RARB: variants seen among roughly 807,000 people sequenced by gnomAD.
RARB encodes HBV-activated protein.
RARB carries 17 observed loss-of-function variants against 51.9 expected under a neutral mutation model. That is an observed-to-expected ratio of 0.33 (90% confidence interval 0.22 to 0.49). RARB has a LOEUF of 0.49. Ranked by LOEUF, RARB falls within the 20% of genes least tolerant of loss-of-function variation. The pLI, the probability that RARB is intolerant of heterozygous loss-of-function variation, is 0.99. For synonymous variants in RARB, 215 were observed against 195.4 expected (o/e 1.10, Z -0.84); for missense variants, 369 against 550.8 (o/e 0.67, Z 3.30).
chr3:25,460,543 G>A (rs560823455), intron 1 of RARB, among the ~76,000 whole-genome samples: 2 of 151,936 alleles, frequency 1.3e-5, no homozygotes, highest in South Asian at 4.2e-4. Flanking sequence ...TGCCTCCTGG[G>A]TTCAAGCGAT....
intron 5 of RARB, among the ~76,000 whole-genome samples, chr3:25,235,229 T>G (rs73044259): frequency 0.087 from 13,227 of 152,162 alleles, 753 homozygotes; most frequent in Non-Finnish European, 0.13. Context: ...GACAGTTGCT[T>G]TTTATTCTGT....
intron 2 of RARB, among the ~76,000 whole-genome samples, chr3:24,905,376 C>T (rs1223472112): frequency 6.6e-6 from 1 of 152,176 alleles, no homozygotes; most frequent in African/African-American, 2.4e-5. Flanking sequence ...CAGCACAAGA[C>T]AAAAATACCT....
intron 4 of RARB, among the ~76,000 whole-genome samples, chr3:25,166,252 C>T (rs1056583095): frequency 2.6e-5 from 4 of 152,034 alleles, no homozygotes; most frequent in Non-Finnish European, 5.9e-5. Context: ...GCTGAATATA[C>T]GAGAGGTTGC....
chr3:25,034,022 G>C (rs1212585920), intron 2 of RARB, among the ~76,000 whole-genome samples: 2 of 152,186 alleles, frequency 1.3e-5, no homozygotes, highest in Non-Finnish European at 2.9e-5. Flanking sequence ...GTAGGATCTA[G>C]TCACTCTTGG....
At chr3:25,059,433 T>C (rs1698504354) in intron 2 of RARB, among the ~76,000 whole-genome samples, 1 of 151,766 alleles carries the variant, frequency 6.6e-6, no homozygotes, top group Admixed American at 6.6e-5. Context: ...ATGTCCACTC[T>C]CACCATACCT....
chr3:25,084,749 TA>T (rs1296569401), intron 3 of RARB, among the ~76,000 whole-genome samples: 4 of 151,678 alleles, frequency 2.6e-5, no homozygotes, highest in African/African-American at 9.7e-5. Context: ...GGGTTTTTTT[TA>T]ATGTTTGTTT....
chr3:24,949,498 A>G (rs1286627485), intron 2 of RARB, among the ~76,000 whole-genome samples: 1 of 152,222 alleles, frequency 6.6e-6, no homozygotes, highest in Non-Finnish European at 1.5e-5. Context: ...TTGTAATGTG[A>G]TTTCACATTT....
At chr3:25,345,542 G>A (rs570808581) in intron 5 of RARB, among the ~76,000 whole-genome samples, 200 of 152,032 alleles carry the variant, frequency 1.3e-3, no homozygotes, top group African/African-American at 4.6e-3. Context: ...GTGCATGCCT[G>A]TAGTCCTAGC....
intron 5 of RARB, among the ~76,000 whole-genome samples, chr3:25,363,888 G>A (rs1383035089): frequency 6.6e-6 from 1 of 152,100 alleles, no homozygotes; most frequent in African/African-American, 2.4e-5. Flanking sequence ...CCTCTTACAT[G>A]ACAGTAGACT....
intron 2 of RARB, among the ~76,000 whole-genome samples, chr3:25,011,231 G>A (rs547014866): frequency 1.3e-3 from 200 of 152,218 alleles, no homozygotes; most frequent in African/African-American, 4.4e-3. Flanking sequence ...AGTGAATGAT[G>A]TAGTACCATA....
At chr3:25,291,794 TA>T (rs1251296084) in intron 5 of RARB, among the ~76,000 whole-genome samples, 1 of 152,150 alleles carries the variant, frequency 6.6e-6, no homozygotes, top group African/African-American at 2.4e-5. Flanking sequence ...GTCCACGGGC[TA>T]ATTTATTACC....
At chr3:24,901,832 G>A (rs1005331720) in intron 2 of RARB, among the ~76,000 whole-genome samples, 4 of 151,812 alleles carry the variant, frequency 2.6e-5, no homozygotes, top group Non-Finnish European at 5.9e-5. Context: ...CGTTATGTAG[G>A]GCCAACATCT....
chr3:25,275,560 T>C (rs903264352), intron 5 of RARB, among the ~76,000 whole-genome samples: 1 of 152,214 alleles, frequency 6.6e-6, no homozygotes, highest in Admixed American at 6.5e-5. Context: ...ACGGCAACCC[T>C]TTGATAATAT....
chr3:25,146,503 G>GTTTTTTT lies in RARB; in HGVS notation c.-280+14298_-280+14299insTTTTTTT, dbSNP rs1364462708. On this transcript the variant is annotated intron_variant, in intron 4 of 11. Transcript: ENST00000383772. ...CTATAATTTGCTAAGTTTTTTGTTT[G>GTTTTTTT]TTTGTTTGTTTTTTTTTTTTTGAGA... Among the ~76,000 whole-genome samples, 310 of 73,470 alleles carry GTTTTTTT rather than the reference G, an allele frequency of 4.2e-3. 4 individuals carry two copies. The highest frequency in any genetic ancestry group is 0.011 in the African/African-American group (288 of 26,012). The allele number at this position is 73,470 out of a possible 152,430, so 48.2% of individuals were successfully genotyped here.
At chr3:25,049,168 ATC>A (rs1312299881) in intron 2 of RARB, among the ~76,000 whole-genome samples, 1 of 152,244 alleles carries the variant, frequency 6.6e-6, no homozygotes, top group African/African-American at 2.4e-5. Flanking sequence ...AGGTCGAAGT[ATC>A]TCAATAGAAG....
intron 3 of RARB, among the ~76,000 whole-genome samples, chr3:25,112,245 C>T (rs556347621): frequency 1.3e-5 from 2 of 152,204 alleles, no homozygotes; most frequent in South Asian, 4.2e-4. Context: ...GTCCTCATAT[C>T]ACTGGTGAAA....
chr3:25,146,279 T>A (rs2125339214), intron 4 of RARB, among the ~76,000 whole-genome samples: 1 of 152,326 alleles, frequency 6.6e-6, no homozygotes, highest in South Asian at 2.1e-4. Context: ...CAGAAGTTGG[T>A]AAACTTTTCC....
chr3:25,061,688 A>G (rs1235847242), intron 3 of RARB, among the ~76,000 whole-genome samples: 2 of 151,816 alleles, frequency 1.3e-5, no homozygotes, highest in Non-Finnish European at 3.0e-5. Flanking sequence ...GCAGTTTAAT[A>G]ATAATATGTT....
chr3:25,570,843 T>TC (rs553292505), intron 4 of RARB, among the ~76,000 whole-genome samples: 251 of 151,808 alleles, frequency 1.7e-3, no homozygotes, highest in Non-Finnish European at 2.9e-3. Flanking sequence ...AAAAACAAAA[T>TC]CCAAATATTG....
Sources: gnomAD v4.1 joint callset for allele counts (sites outside exome capture counted in the v4.1 genomes callset) on GRCh38, gnomAD v4.1.1 for gene constraint, MANE v1.5 for transcripts, NCBI Gene and HGNC (gene_info 2026-07-23, HGNC 2026-07-21) for gene names.